OSBPL5: variants seen among roughly 807,000 people sequenced by gnomAD.
The protein encoded by OSBPL5 is oxysterol-binding protein-related protein 5.
OSBPL5 carries 71 observed loss-of-function variants against 111.2 expected under a neutral mutation model. The ratio of observed to expected loss-of-function variants is 0.64; its 90% CI spans 0.53 to 0.78. OSBPL5 has a LOEUF of 0.78. Ranked by LOEUF, OSBPL5 falls within the 30% of genes least tolerant of loss-of-function variation. The pLI is 0.00. For missense variants in OSBPL5, 1,210 were observed against 1,189.3 expected (o/e 1.02, Z -0.26); for synonymous variants, 549 against 513.9 (o/e 1.07, Z -0.93).
At position 3,149,230 on chromosome 11, in the gene OSBPL5, G is replaced by A. The variant is rs567717002; in HGVS notation, c.-22+15986C>T. 1.7e-3 allele frequency among the ~76,000 whole-genome samples: 257 copies of A among 152,370 alleles called. 1 individual carries two copies. Among genetic ancestry groups the A allele is most frequent in the African/African-American group, 5.5e-3 (228 of 41,594 alleles). ...CCCGAGCGTCCACACCACCACGCTGGAAGTCCCCAAGGCCGGAATGCAGCA... is the reference window on the plus strand; with the variant it reads ...CCCGAGCGTCCACACCACCACGCTGAAAGTCCCCAAGGCCGGAATGCAGCA... On this transcript the variant is annotated intron_variant, in intron 1 of 21. Transcript: ENST00000263650.
In OSBPL5 at chr11:3,089,860, C is replaced by G. The variant is rs747475942; in HGVS notation, c.2487G>C (p.Gln829His). The G allele has an allele frequency of 2.6e-6, 4 of 1,561,986 alleles. No homozygotes were observed. The South Asian group carries it at 3.5e-5, about 14-fold the overall frequency. The change falls in exon 21 of 22, where the codon CAG (glutamine) becomes CAC (histidine). Residue 829 changes from glutamine (Q) to histidine (H), a missense_variant. Transcript: ENST00000263650. ...HEAILSIREA[Q>H]QELHRHLSAM... ...GTGTGGCCCACCTGTGCAGCTCCTG[C>G]TGGGCCTCTCGGATGGAGAGGATGG...
At chr11:3,131,634 CCCGTCTATTCATCCAT>C (rs1845787635) in intron 1 of OSBPL5, among the ~76,000 whole-genome samples, 1 of 137,008 alleles carries the variant, frequency 7.3e-6, no homozygotes, top group Non-Finnish European at 1.5e-5. Context: ...TATTCATCCA[CCCGTCTATTCATCCAT>C]CCATCTACTG....
chr11:3,157,914 A>G (rs910125547), intron 1 of OSBPL5, among the ~76,000 whole-genome samples: 3 of 152,236 alleles, frequency 2.0e-5, no homozygotes, highest in African/African-American at 7.2e-5. Flanking sequence ...GTGTGTGTTC[A>G]GCAGCACACT....
chr11:3,097,078 G>GGA (rs1857293741), intron 14 of OSBPL5, among the ~76,000 whole-genome samples: 1 of 114,556 alleles, frequency 8.7e-6, no homozygotes, highest in Non-Finnish European at 1.9e-5. Context: ...AAGATGGAAG[G>GGA]AGGAGAAGAG....
chr11:3,151,846 C>T (rs4237784), intron 1 of OSBPL5, among the ~76,000 whole-genome samples: 117,597 of 152,268 alleles, frequency 0.77, 45,910 homozygotes, highest in African/African-American at 0.82. Context: ...CTCCCTGGGG[C>T]GGGCTTTGCA....
Position 3,161,430 on chromosome 11 carries a change from A to T in OSBPL5, c.-22+3786T>A, listed in dbSNP as rs1039640070. The T allele has an allele frequency of 6.6e-6, 1 of 152,232 alleles. No homozygotes were observed. Among genetic ancestry groups the T allele is most frequent in the Admixed American group, 6.5e-5 (1 of 15,286 alleles). 9.4% of individuals were successfully genotyped at this position (152,232 alleles called of 1,614,324 possible). A position where few individuals can be genotyped will look rare whatever the true frequency, so the allele number is the denominator to read the frequency against. ...GTCCCACACCAGCCGATGCTGGTGAAACCAGGACATGGTGGGTGGGACTTG... is the reference window on the plus strand; with the variant it reads ...GTCCCACACCAGCCGATGCTGGTGATACCAGGACATGGTGGGTGGGACTTG... On this transcript the variant is annotated intron_variant, in intron 1 of 21. Coordinates refer to ENST00000263650, the MANE Select transcript of OSBPL5 (RefSeq NM_020896.4). This position sits in a 1 kb window ranked among gnomAD's most constrained non-coding sequence, Gnocchi z 8.0.
At chr11:3,158,812 A>AGGAGC (rs1415992253) in intron 1 of OSBPL5, among the ~76,000 whole-genome samples, 3 of 152,240 alleles carry the variant, frequency 2.0e-5, no homozygotes, top group Non-Finnish European at 4.4e-5. Context: ...CTCAAGGAGC[A>AGGAGC]GGAGCAGATG....
rs552332664 is a variant in OSBPL5 at position 3,146,916 on chromosome 11, G to A, written c.-21-17747C>T. 1.3e-5 allele frequency among the ~76,000 whole-genome samples: 2 copies of A among 152,238 alleles called. No individual in the cohort carries two copies. Among genetic ancestry groups the A allele is most frequent in the Non-Finnish European group, 2.9e-5 (2 of 68,002 alleles). On this transcript the variant is annotated intron_variant, in intron 1 of 21. Coordinates refer to ENST00000263650, the MANE Select transcript of OSBPL5 (RefSeq NM_020896.4). The surrounding 1 kb of genome is among the most constrained non-coding windows in gnomAD (Gnocchi z 7.8). ...CAGCACACCCAGCTCTGGTCTTCAC[G>A]AGGGGCTGGGATTTTAGAGGTGGCT...
Position 3,126,461 on chromosome 11 carries a change from C to T in OSBPL5, c.219+12G>A. 1 of 1,605,994 alleles carries T rather than the reference C, an allele frequency of 6.2e-7. No homozygotes were observed. The highest frequency in any genetic ancestry group is 8.5e-7 in the Non-Finnish European group (1 of 1,177,584). ...CTCTGGCTCATGGATCCTCCTATAC[C>T]CAGGCTCTTACCGGTGGCACCTTCG... On this transcript the variant is annotated intron_variant, in intron 3 of 21. Transcript: ENST00000263650. This position sits in a 1 kb window ranked among gnomAD's most constrained non-coding sequence, Gnocchi z 6.5.
chr11:3,153,961 G>A (rs143164817), intron 1 of OSBPL5, among the ~76,000 whole-genome samples: 32 of 152,364 alleles, frequency 2.1e-4, no homozygotes, highest in South Asian at 4.1e-4. Flanking sequence ...TGGGAGCCCC[G>A]GGGTTACCGG....
Position 3,106,207 on chromosome 11 carries a change from C to T in OSBPL5, c.1059+1056G>A, listed in dbSNP as rs1199007589. On this transcript the variant is annotated intron_variant, in intron 9 of 21. Transcript: ENST00000263650. The surrounding 1 kb of genome is among the most constrained non-coding windows in gnomAD (Gnocchi z 8.4). ...AAGGATTTCACGGACCACGGAGGAGCCCCCTCTGTCCCTGTGCAGAGCAAG... is the reference window on the plus strand; with the variant it reads ...AAGGATTTCACGGACCACGGAGGAGTCCCCTCTGTCCCTGTGCAGAGCAAG... Among the ~76,000 whole-genome samples the T allele has an allele frequency of 6.6e-6, 1 of 152,048 alleles. No individual in the cohort carries two copies. The highest frequency in any genetic ancestry group is 1.9e-4 in the East Asian group (1 of 5,180).
At chr11:3,116,621 ATGG>A (rs1347883668) in intron 7 of OSBPL5, among the ~76,000 whole-genome samples, 3 of 152,166 alleles carry the variant, frequency 2.0e-5, no homozygotes, top group African/African-American at 7.2e-5. Context: ...TTGGGAGGCC[ATGG>A]TGGGCGGATC....
In OSBPL5 at chr11:3,119,584, G is replaced by C; in HGVS notation, c.654C>G (p.Ser218Arg). The change falls in exon 7 of 22, where the codon AGC becomes AGG. Residue 218 changes from serine (S) to arginine (R), a missense_variant. Transcript: ENST00000263650. ...AGGCGGCCCTGAAGATCAGGTAGCTGCTGGGCAGGGGCTGTGTGATGGAGC... is the reference window on the plus strand; with the variant it reads ...AGGCGGCCCTGAAGATCAGGTAGCTCCTGGGCAGGGGCTGTGTGATGGAGC... ...SVGSITQPLP[S>R]SYLIFRAASE... 6.3e-7 allele frequency: 1 copy of C among 1,578,024 alleles called. No individual in the cohort carries two copies. The highest frequency in any genetic ancestry group is 1.2e-5 in the South Asian group (1 of 86,388).
Position 3,104,270 on chromosome 11 carries a change from T to C in OSBPL5, c.1167A>G (p.Leu389=). ...AGCGCGGCTCCAGTACGAACGTGGG[T>C]AGCACCACGCGGGACAGGTCCATGC... The part of the protein sequence containing the change: ...RPGMDLSRVV[L]PTFVLEPRSF... Residue 389 remains leucine (L), a synonymous_variant, in exon 10 of 22, where the codon CTA becomes CTG. Coordinates refer to ENST00000263650, the MANE Select transcript of OSBPL5 (RefSeq NM_020896.4). The surrounding 1 kb of genome is among the most constrained non-coding windows in gnomAD (Gnocchi z 5.0). 6.2e-7 allele frequency: 1 copy of C among 1,613,812 alleles called. No individual in the cohort carries two copies. Among genetic ancestry groups the C allele is most frequent in the Non-Finnish European group, 8.5e-7 (1 of 1,179,966 alleles).
intron 1 of OSBPL5, among the ~76,000 whole-genome samples, chr11:3,151,192 G>A (rs1846573835): frequency 1.3e-5 from 2 of 152,184 alleles, no homozygotes; most frequent in South Asian, 4.1e-4. Flanking sequence ...GAGGCAGGAA[G>A]AATCCTCCCC....
At position 3,087,369 on chromosome 11, in the gene OSBPL5, G is replaced by A. The variant is rs79511868; in HGVS notation, c.*836C>T. On this transcript the variant is annotated 3_prime_UTR_variant, in exon 22 of 22. Coordinates refer to ENST00000263650, the MANE Select transcript of OSBPL5 (RefSeq NM_020896.4). Reference sequence around the variant, plus strand: ...AGGCCAGACGTGAAGGCTGACTGCAGCTCGCAGCCCACCTAAAATATTGCA... The same window carrying A: ...AGGCCAGACGTGAAGGCTGACTGCAACTCGCAGCCCACCTAAAATATTGCA... 1.4e-3 allele frequency: 219 copies of A among 154,870 alleles called. No individual in the cohort carries two copies. Among genetic ancestry groups the A allele is most frequent in the Non-Finnish European group, 2.6e-3 (180 of 68,362 alleles). The allele number at this position is 154,870 out of a possible 1,614,324, so 9.6% of individuals were successfully genotyped here.
In OSBPL5 at chr11:3,090,454, C is replaced by T. The variant is rs543172404; in HGVS notation, c.2398+104G>A. On this transcript the variant is annotated intron_variant, in intron 20 of 21. Transcript: ENST00000263650. ...CAGAGGAGCTTTTGCTGGGAGGTTG[C>T]CCTACATCTGGGCAGGTGCTTCTCT... The T allele has an allele frequency of 8.3e-5, 122 of 1,464,574 alleles. 2 individuals carry two copies. The Middle Eastern group carries it at 1.9e-3, about 23-fold the overall frequency. 90.7% of individuals were successfully genotyped at this position (1,464,574 alleles called of 1,614,324 possible).
At chr11:3,149,635 C>T (rs114588529) in intron 1 of OSBPL5, among the ~76,000 whole-genome samples, 1,541 of 152,344 alleles carry the variant, frequency 0.01, 19 homozygotes, top group African/African-American at 0.034. Flanking sequence ...TTGGTCCTCA[C>T]GGTCGTCCTG....
In OSBPL5 at chr11:3,089,829, C is replaced by A. The variant is rs940038274; in HGVS notation, c.2501+17G>T. The stretch of plus-strand genomic sequence containing the variant: ...CTCTGACCCGGAGTCTGGATGGACA[C>A]CCTGAGTGTGGCCCACCTGTGCAGC... On this transcript the variant is annotated intron_variant, in intron 21 of 21. Coordinates refer to ENST00000263650, the MANE Select transcript of OSBPL5 (RefSeq NM_020896.4). 3 of 1,551,990 alleles carry A rather than the reference C, an allele frequency of 1.9e-6. No homozygotes were observed. The highest frequency in any genetic ancestry group is 2.6e-6 in the Non-Finnish European group (3 of 1,147,570).
Sources: gnomAD v4.1 joint callset for allele counts (sites outside exome capture counted in the v4.1 genomes callset) on GRCh38, gnomAD v4.1.1 for gene constraint, Gnocchi (gnomAD v3.1) non-coding constraint, MANE v1.5 for transcripts, NCBI Gene and HGNC (gene_info 2026-07-23, HGNC 2026-07-21) for gene names.